Variants in TENM3 observed in about 807,000 individuals in gnomAD.
TENM3 encodes the protein teneurin transmembrane protein 3.
A neutral mutation model predicts 255.1 loss-of-function variants in TENM3; 63 were observed. That is an observed-to-expected ratio of 0.25 (90% confidence interval 0.20 to 0.30). The LOEUF (loss-of-function observed/expected upper bound fraction) is 0.30, where lower values mean the gene tolerates loss of function less well. TENM3 is among the 10% of genes least tolerant of loss of function. The probability of loss-of-function intolerance (pLI) is 1.00; values close to 1 mark genes in which losing one functional copy is unlikely to be tolerated. For synonymous variants in TENM3, 1,306 were observed against 1,322.3 expected (o/e 0.99, Z 0.27); for missense variants, 2,929 against 3,461.1 (o/e 0.85, Z 3.86).
chr4:182,222,925 C>T lies in TENM3; in HGVS notation c.-76+78171C>T, dbSNP rs562044336. Among the ~76,000 whole-genome samples, 3 of 152,296 alleles carry T rather than the reference C, an allele frequency of 2.0e-5. No homozygotes were observed. In the South Asian group the frequency reaches 6.2e-4, roughly 32 times the overall value. ...GACAAGCTCGTCCCTAAGAGAGCCT[C>T]TGAATCCAGCCATCCTTTGGAGAGA... On this transcript the variant is annotated intron_variant, in intron 1 of 2. Transcript: ENST00000512480.
At chr4:182,445,748 C>G (rs6552564) in intron 3 of TENM3, among the ~76,000 whole-genome samples, 136,941 of 152,222 alleles carry the variant, frequency 0.9, 62,132 homozygotes, top group Non-Finnish European at 0.96. Flanking sequence ...ATTTAATATT[C>G]CAAGTATGAT....
the TENM3 span, among the ~76,000 whole-genome samples, chr4:181,462,794 C>T: frequency 7.9e-5 from 12 of 152,164 alleles, no homozygotes; most frequent in Non-Finnish European, 1.2e-4. Context: ...GTAGGGATTC[C>T]ATCAATGATG....
intron 1 of TENM3, among the ~76,000 whole-genome samples, chr4:182,279,294 A>G (rs1388246291): frequency 2.0e-5 from 3 of 152,176 alleles, no homozygotes; most frequent in Non-Finnish European, 2.9e-5. Flanking sequence ...GTATTAATAT[A>G]TGTATATATT....
chr4:182,097,828 A>T, the TENM3 span, among the ~76,000 whole-genome samples: 27,457 of 152,116 alleles, frequency 0.18, 2,701 homozygotes, highest in Non-Finnish European at 0.21. Context: ...TGAATTAGGA[A>T]TTCATGCTAT....
Position 182,796,702 on chromosome 4 carries a change from C to G in TENM3, c.7279C>G (p.Pro2427Ala). Reference protein sequence around the residue: ...LHNAIPGFPVPKFDLTEPSYE... With the variant: ...LHNAIPGFPVAKFDLTEPSYE... The stretch of plus-strand genomic sequence containing the variant: ...CAATGCTATTCCTGGATTCCCTGTT[C>G]CCAAATTTGATTTAACAGAACCTTC... Residue 2427 changes from proline to alanine, a missense_variant, in exon 27 of 28, where the codon CCC becomes GCC. By Grantham distance (27) the Pro-to-Ala change is conservative. Transcript: ENST00000511685. 1 of 1,612,708 alleles carries G rather than the reference C, an allele frequency of 6.2e-7. No individual in the cohort carries two copies. The highest frequency in any genetic ancestry group is 1.1e-5 in the South Asian group (1 of 90,806).
At chr4:181,614,159 T>C in the TENM3 span, among the ~76,000 whole-genome samples, 3 of 152,132 alleles carry the variant, frequency 2.0e-5, no homozygotes, top group African/African-American at 7.2e-5. Flanking sequence ...ATAACCCACA[T>C]AGACAAAAGC....
chr4:182,750,459 A>G (rs984289204), intron 19 of TENM3, among the ~76,000 whole-genome samples: 2 of 152,182 alleles, frequency 1.3e-5, no homozygotes, highest in Non-Finnish European at 2.9e-5. Context: ...TAACAACATG[A>G]GAAACACTTA....
At chr4:181,690,436 AG>A in the TENM3 span, among the ~76,000 whole-genome samples, 1 of 152,252 alleles carries the variant, frequency 6.6e-6, no homozygotes, top group East Asian at 1.9e-4. Flanking sequence ...TGTTTCTGGA[AG>A]AAAAGCCAGG....
the TENM3 span, among the ~76,000 whole-genome samples, chr4:181,795,586 A>C: frequency 6.6e-6 from 1 of 152,206 alleles, no homozygotes; most frequent in African/African-American, 2.4e-5. Flanking sequence ...AGGTATGATC[A>C]ATACCAGTTG....
the TENM3 span, among the ~76,000 whole-genome samples, chr4:181,851,038 A>G: frequency 1.3e-5 from 2 of 152,180 alleles, no homozygotes; most frequent in African/African-American, 2.4e-5. Context: ...TTTCAGTCTC[A>G]GGTCACTCTG....
chr4:182,792,109 C>T lies in TENM3; in HGVS notation c.5602-165C>T, dbSNP rs547664583. On this transcript the variant is annotated intron_variant, in intron 25 of 27. Coordinates refer to ENST00000511685, the MANE Select transcript of TENM3 (RefSeq NM_001080477.4). The surrounding 1 kb of genome is among the most constrained non-coding windows in gnomAD (Gnocchi z 6.3). ...AACCCCTCACAATTAAGCATCCAAGCAAATTAGGCAGAGAAACGTTAACAA... is the reference window on the plus strand; with the variant it reads ...AACCCCTCACAATTAAGCATCCAAGTAAATTAGGCAGAGAAACGTTAACAA... Among the ~76,000 whole-genome samples the T allele has an allele frequency of 6.6e-6, 1 of 152,134 alleles. No homozygotes were observed. The highest frequency in any genetic ancestry group is 6.5e-5 in the Admixed American group (1 of 15,270).
At chr4:182,654,015 AT>A in intron 6 of TENM3, 122 bp downstream of exon 6, 2 of 914,406 alleles carry the variant, frequency 2.2e-6, no homozygotes, top group Non-Finnish European at 1.5e-6. Flanking sequence ...AATTACAGAT[AT>A]CATCTTTTTA....
chr4:181,918,306 A>G, the TENM3 span, among the ~76,000 whole-genome samples: 1,071 of 152,336 alleles, frequency 7.0e-3, 15 homozygotes, highest in African/African-American at 0.025. Context: ...ACTTTTAGAA[A>G]ACAGTTGGAA....
At chr4:181,583,564 G>T in the TENM3 span, among the ~76,000 whole-genome samples, 9 of 152,134 alleles carry the variant, frequency 5.9e-5, no homozygotes, top group African/African-American at 2.2e-4. Flanking sequence ...AAACGTGGGG[G>T]CGTGCCACCT....
At chr4:181,693,472 T>A in the TENM3 span, among the ~76,000 whole-genome samples, 15 of 152,304 alleles carry the variant, frequency 9.8e-5, no homozygotes, top group East Asian at 2.9e-3. Flanking sequence ...TGCATTGTCA[T>A]CATCCCATCT....
chr4:181,637,991 A>G, the TENM3 span, among the ~76,000 whole-genome samples: 2 of 152,200 alleles, frequency 1.3e-5, no homozygotes, highest in African/African-American at 4.8e-5. Flanking sequence ...TTTGGACCAC[A>G]CGCAGGCATT....
chr4:182,545,315 A>T (rs1314287398), intron 3 of TENM3, among the ~76,000 whole-genome samples: 2 of 152,138 alleles, frequency 1.3e-5, no homozygotes, highest in Admixed American at 1.3e-4. Flanking sequence ...TAGGTGATAT[A>T]TCAGCAAACT....
chr4:181,840,094 C>T, the TENM3 span, among the ~76,000 whole-genome samples: 1 of 151,980 alleles, frequency 6.6e-6, no homozygotes, highest in Non-Finnish European at 1.5e-5. Context: ...TGCCTTTTGT[C>T]TCAGGAATCA....
chr4:182,724,606 G>A (rs1760019031), intron 13 of TENM3, among the ~76,000 whole-genome samples: 1 of 152,190 alleles, frequency 6.6e-6, no homozygotes, highest in Non-Finnish European at 1.5e-5. Context: ...TTTATGACCT[G>A]CAGACTACAT....
Sources: gnomAD v4.1 joint callset for allele counts (sites outside exome capture counted in the v4.1 genomes callset) on GRCh38, gnomAD v4.1.1 for gene constraint, Gnocchi (gnomAD v3.1) non-coding constraint, MANE v1.5 for transcripts, NCBI Gene and HGNC (gene_info 2026-07-23, HGNC 2026-07-21) for gene names.